PTGIS: variants seen among roughly 807,000 people sequenced by gnomAD.
PTGIS encodes prostaglandin I2 synthase.
A neutral mutation model predicts 50.3 loss-of-function variants in PTGIS; 45 were observed. The observed-to-expected ratio is 0.90, with a 90% CI of 0.70 to 1.15. The LOEUF is 1.15. Ranked by LOEUF, PTGIS falls within the 50% of genes most tolerant of loss-of-function variation. The probability of loss-of-function intolerance (pLI) is 0.00; values close to 1 mark genes in which losing one functional copy is unlikely to be tolerated. For synonymous variants in PTGIS, 260 were observed against 267.7 expected (o/e 0.97, Z 0.28); for missense variants, 668 against 661.3 (o/e 1.01, Z -0.11).
In PTGIS at chr20:49,506,372, A is replaced by G. The variant is rs1981151579; in HGVS notation, c.*1548T>C. 3 of 152,254 alleles carry G rather than the reference A, an allele frequency of 2.0e-5. No homozygotes were observed. In the South Asian group the frequency reaches 6.2e-4, roughly 32 times the overall value. The allele number at this position is 152,254 out of a possible 1,614,324, so 9.4% of individuals were successfully genotyped here. A position where few individuals can be genotyped will look rare whatever the true frequency, so the allele number is the denominator to read the frequency against. On this transcript the variant is annotated 3_prime_UTR_variant, in exon 10 of 10. Transcript: ENST00000244043. ...CATTTTTCTCTTTAAGCTGTTTTTT[A>G]TTTTAATTAATTATTTATTTATTGA... is the stretch of plus-strand genomic sequence containing the variant.
chr20:49,505,291 T>G lies in PTGIS; in HGVS notation c.*2629A>C, dbSNP rs1274728483. On this transcript the variant is annotated 3_prime_UTR_variant, in exon 10 of 10. Coordinates refer to ENST00000244043, the MANE Select transcript of PTGIS (RefSeq NM_000961.4). Reference sequence around the variant, plus strand: ...TCCTAACTAGCGCATAGCAGGTAGCTAACCCACTCATCTCTCCCTCTTTTC... The same window carrying G: ...TCCTAACTAGCGCATAGCAGGTAGCGAACCCACTCATCTCTCCCTCTTTTC... 1 of 152,186 alleles carries G rather than the reference T, an allele frequency of 6.6e-6. No individual in the cohort carries two copies. Among genetic ancestry groups the G allele is most frequent in the East Asian group, 1.9e-4 (1 of 5,194 alleles). The allele number at this position is 152,186 out of a possible 1,614,324, so 9.4% of individuals were successfully genotyped here. A position where few individuals can be genotyped will look rare whatever the true frequency, so the allele number is the denominator to read the frequency against.
At chr20:49,561,875 C>T (rs1982786433) in intron 1 of PTGIS, among the ~76,000 whole-genome samples, 1 of 152,196 alleles carries the variant, frequency 6.6e-6, no homozygotes, top group African/African-American at 2.4e-5. Flanking sequence ...GTGCCAACTA[C>T]ACATCAGGAG....
At chr20:49,566,853 C>A (rs1601210104) in intron 1 of PTGIS, among the ~76,000 whole-genome samples, 2 of 152,114 alleles carry the variant, frequency 1.3e-5, no homozygotes, top group South Asian at 2.1e-4. Flanking sequence ...GATAAAATCC[C>A]GTGAAGTTTG....
intron 6 of PTGIS, 149 bp downstream of exon 6, chr20:49,523,909 A>G: frequency 9.8e-7 from 1 of 1,018,368 alleles, no homozygotes; most frequent in Non-Finnish European, 1.5e-6. Flanking sequence ...ATCAGCACAC[A>G]CTCACAAATG....
intron 1 of PTGIS, among the ~76,000 whole-genome samples, chr20:49,565,448 C>T (rs527895): frequency 0.37 from 56,398 of 151,874 alleles, 10,717 homozygotes; most frequent in Non-Finnish European, 0.42. Context: ...GTGGGAGGAT[C>T]GCTTGAGCTG....
intron 5 of PTGIS, 79 bp from the exon 6 acceptor site, chr20:49,524,318 T>C: frequency 6.6e-7 from 1 of 1,512,232 alleles, no homozygotes; most frequent in Non-Finnish European, 9.1e-7. Context: ...TGACCTCCCA[T>C]GAGGCCAAGG....
rs762650885 is a variant in PTGIS, at chr20:49,546,828, C to T, written c.377+1013G>A. Among the ~76,000 whole-genome samples, 5 of 152,212 alleles carry T rather than the reference C, an allele frequency of 3.3e-5. No homozygotes were observed. In the South Asian group the frequency reaches 8.3e-4, roughly 25 times the overall value. ...GCTGCCTTCAAATGGTGGTTGGCAC[C>T]GTTCTGCACACCCTACATCCAGGGC... is the stretch of plus-strand genomic sequence containing the variant. On this transcript the variant is annotated intron_variant, in intron 3 of 9. Transcript: ENST00000244043.
At position 49,507,182 on chromosome 20, in the gene PTGIS, C is replaced by T. The variant is rs1370562574; in HGVS notation, c.*738G>A. On this transcript the variant is annotated 3_prime_UTR_variant, in exon 10 of 10. Coordinates refer to ENST00000244043, the MANE Select transcript of PTGIS (RefSeq NM_000961.4). The stretch of plus-strand genomic sequence containing the variant: ...TCCAGCCATCTTGTCTGGGCTGTGT[C>T]TTCCTTAGCTCCCTACCTGAGTGCT... 6.4e-6 allele frequency: 1 copy of T among 155,764 alleles called. No individual in the cohort carries two copies. Among genetic ancestry groups the T allele is most frequent in the Non-Finnish European group, 1.4e-5 (1 of 70,420 alleles). 9.6% of individuals were successfully genotyped at this position (155,764 alleles called of 1,614,324 possible).
At chr20:49,514,484 G>T in intron 6 of PTGIS, 89 bp from the exon 7 acceptor site, 1 of 1,474,270 alleles carries the variant, frequency 6.8e-7, no homozygotes. Context: ...AGACAGAGGG[G>T]CCAGTAGGCC....
rs78134375 is a variant in PTGIS, at chr20:49,510,843, C to T, written c.1358+185G>A. On this transcript the variant is annotated intron_variant, in intron 9 of 9. Transcript: ENST00000244043. ...AAATCCGAAATCTGGCTTTTTTACA[C>T]GAGCTCTTCTGATTTATAAAAGCAC... 0.023 allele frequency among the ~76,000 whole-genome samples: 3,469 copies of T among 152,300 alleles called. 60 individuals are homozygous for T. The highest frequency in any genetic ancestry group is 0.029 in the Non-Finnish European group (1,957 of 68,020).
intron 5 of PTGIS, among the ~76,000 whole-genome samples, chr20:49,526,944 A>G (rs1018284436): frequency 1.3e-5 from 2 of 152,198 alleles, no homozygotes; most frequent in South Asian, 4.1e-4. Flanking sequence ...AAGAATTACC[A>G]TATGATCCAG....
intron 6 of PTGIS, among the ~76,000 whole-genome samples, chr20:49,514,922 C>T (rs896579497): frequency 8.5e-5 from 13 of 152,172 alleles, no homozygotes; most frequent in African/African-American, 3.1e-4. Context: ...GCCTAAGCCG[C>T]GAGAGACTTT....
chr20:49,514,393 C>A lies in PTGIS; in HGVS notation c.858G>T (p.Gly286=), dbSNP rs1568669262. The change falls in exon 7 of 10, where the codon GGG becomes GGT. Residue 286 remains glycine, a splice_region_variant and synonymous_variant. Transcript: ENST00000244043. ...ALVLQLWATQ[G]NMGPAAFWLL... ...GCCAGAAGGCAGCGGGACCCATATT[C>A]CCCTGCAAGGAGAAGGGCCCCTGTT... The A allele has an allele frequency of 1.9e-6, 3 of 1,613,580 alleles. No homozygotes were observed. Among genetic ancestry groups the A allele is most frequent in the Non-Finnish European group, 1.7e-6 (2 of 1,179,994 alleles).
intron 6 of PTGIS, among the ~76,000 whole-genome samples, chr20:49,522,633 A>C (rs982185704): frequency 6.6e-6 from 1 of 152,146 alleles, no homozygotes; most frequent in South Asian, 2.1e-4. Flanking sequence ...CAGTGTCTCA[A>C]TGGAACTTCT....
chr20:49,556,992 G>A (rs1378751815), intron 1 of PTGIS, among the ~76,000 whole-genome samples: 1 of 151,992 alleles, frequency 6.6e-6, no homozygotes, highest in African/African-American at 2.4e-5. Flanking sequence ...CTCTTTATAT[G>A]CAGAAATCAT....
intron 6 of PTGIS, among the ~76,000 whole-genome samples, chr20:49,515,745 G>C (rs1981456719): frequency 6.6e-6 from 1 of 152,234 alleles, no homozygotes; most frequent in South Asian, 2.1e-4. Flanking sequence ...TTAAAAAGAA[G>C]CTGGCTCTGT....
Position 49,514,247 on chromosome 20 carries a change from A to T in PTGIS, c.1004T>A (p.Leu335Gln). ...SQTTTLPQKVLDSTPVLDSVL... is the reference protein window; with the variant it reads ...SQTTTLPQKVQDSTPVLDSVL... ...CTCACCAAGCACAGGTGTGCTGTCT[A>T]GAACCTTCTGTGGGAGAGTGGTCGT... The change falls in exon 7 of 10, where the codon CTA (leucine) becomes CAA (glutamine). Residue 335 changes from leucine (L) to glutamine (Q), a missense_variant. Transcript: ENST00000244043. The T allele has an allele frequency of 1.2e-6, 2 of 1,613,978 alleles. No individual in the cohort carries two copies. Among genetic ancestry groups the T allele is most frequent in the Non-Finnish European group, 1.7e-6 (2 of 1,180,036 alleles).
chr20:49,520,171 G>A (rs1014516424), intron 6 of PTGIS, among the ~76,000 whole-genome samples: 7 of 152,124 alleles, frequency 4.6e-5, no homozygotes, highest in Non-Finnish European at 7.3e-5. Flanking sequence ...CTGCCTCAGG[G>A]CCTTTGCACT....
chr20:49,561,954 G>A (rs926948714), intron 1 of PTGIS, among the ~76,000 whole-genome samples: 4 of 152,156 alleles, frequency 2.6e-5, no homozygotes, highest in African/African-American at 9.7e-5. Context: ...AACGCTGATG[G>A]TGTGGGAGAC....
Sources: allele counts gnomAD v4.1 joint callset (sites outside exome capture counted in the v4.1 genomes callset), GRCh38; gene constraint gnomAD v4.1.1; transcripts MANE v1.5; gene names NCBI Gene and HGNC (gene_info 2026-07-23, HGNC 2026-07-21).